Variants in B4GALT1 observed in about 807,000 individuals in gnomAD.
B4GALT1 encodes beta-1,4-galactosyltransferase 1.
A neutral mutation model predicts 34.9 loss-of-function variants in B4GALT1; 16 were observed. That is an observed-to-expected ratio of 0.46 (90% CI 0.31 to 0.70). The LOEUF (loss-of-function observed/expected upper bound fraction) is 0.70, where lower values mean the gene tolerates loss of function less well. B4GALT1 is among the 30% of genes least tolerant of loss of function. The probability of loss-of-function intolerance (pLI) is 0.05; values close to 1 mark genes in which losing one functional copy is unlikely to be tolerated. For missense variants in B4GALT1, 445 were observed against 530.5 expected, an observed-to-expected ratio of 0.84 and a Z score of 1.58; for synonymous variants, 221 against 218.1, an observed-to-expected ratio of 1.01 and a Z score of -0.12.
At chr9:33,135,975 G>C (rs1840267083) in intron 1 of B4GALT1, among the ~76,000 whole-genome samples, 1 of 151,340 alleles carries the variant, frequency 6.6e-6, no homozygotes, top group Non-Finnish European at 1.5e-5. Flanking sequence ...GAGGGAGTTA[G>C]CTTCGAAGTG....
Position 33,113,762 on chromosome 9 carries a change from C to G in B4GALT1, c.1064+12G>C. On this transcript the variant is annotated intron_variant, in intron 5 of 5. Coordinates refer to ENST00000379731, the MANE Select transcript of B4GALT1 (RefSeq NM_001497.4). The stretch of plus-strand genomic sequence containing the variant: ...TAAAGGGGGAAGGAGTATGAATAAA[C>G]AAAGAATGCACCTCTGAGGATTGGG... 2 of 1,614,044 alleles carry G rather than the reference C, an allele frequency of 1.2e-6. No individual in the cohort carries two copies. Among genetic ancestry groups the G allele is most frequent in the South Asian group, 2.2e-5 (2 of 91,082 alleles).
chr9:33,148,997 G>C (rs1421430689), intron 1 of B4GALT1, among the ~76,000 whole-genome samples: 2 of 152,054 alleles, frequency 1.3e-5, no homozygotes, highest in African/African-American at 4.8e-5. Context: ...GAATGCATAG[G>C]TCTGCATTAA....
chr9:33,166,528 T>G (rs1429807672), intron 1 of B4GALT1, among the ~76,000 whole-genome samples: 3 of 152,180 alleles, frequency 2.0e-5, no homozygotes, highest in African/African-American at 2.4e-5. Context: ...GCCTCGGGAC[T>G]TCCCTGTGCG....
At chr9:33,106,579 A>C (rs891025938), downstream of B4GALT1, among the ~76,000 whole-genome samples, 1 of 152,222 alleles carries the variant, frequency 6.6e-6, no homozygotes, top group Non-Finnish European at 1.5e-5. Context: ...GGCATTGGGC[A>C]CAAGAGGGAG....
intron 1 of B4GALT1, among the ~76,000 whole-genome samples, chr9:33,152,248 G>A (rs1287369630): frequency 6.6e-6 from 1 of 151,962 alleles, no homozygotes; most frequent in African/African-American, 2.4e-5. Context: ...AGGTTGCAGT[G>A]AGCCGAGATT....
the B4GALT1 span, among the ~76,000 whole-genome samples, chr9:33,180,999 C>T: frequency 2.6e-5 from 4 of 152,300 alleles, no homozygotes; most frequent in African/African-American, 9.6e-5. Context: ...AAGGCCGACC[C>T]AGTTTGCCAA....
At chr9:33,133,771 G>A (rs1039914422) in intron 2 of B4GALT1, among the ~76,000 whole-genome samples, 2 of 151,976 alleles carry the variant, frequency 1.3e-5, no homozygotes, top group African/African-American at 4.8e-5. Flanking sequence ...AACAGGGCTT[G>A]TTCTGCTCTC....
intron 1 of B4GALT1, among the ~76,000 whole-genome samples, chr9:33,145,565 G>A (rs1449944064): frequency 6.6e-6 from 1 of 152,278 alleles, no homozygotes; most frequent in East Asian, 1.9e-4. Flanking sequence ...GAGAATCCTG[G>A]CAGACAAGGG....
intron 1 of B4GALT1, among the ~76,000 whole-genome samples, chr9:33,143,814 T>C (rs1840386732): frequency 1.3e-5 from 2 of 152,166 alleles, no homozygotes; most frequent in Non-Finnish European, 2.9e-5. Context: ...ATGTGTAACA[T>C]GTTTTGCTTT....
intron 1 of B4GALT1, 83 bp downstream of exon 1, chr9:33,166,675 G>C (rs1356618730): frequency 7.2e-7 from 1 of 1,387,640 alleles, no homozygotes; most frequent in African/African-American, 1.5e-5. Context: ...AGAAGAGCCA[G>C]CCTGAGGGAA....
intron 1 of B4GALT1, among the ~76,000 whole-genome samples, chr9:33,150,800 G>C (rs958095146): frequency 1.3e-5 from 2 of 152,130 alleles, no homozygotes; most frequent in Non-Finnish European, 2.9e-5. Context: ...TTTGGCAAGA[G>C]CAAAAACAGA....
chr9:33,135,300 G>A lies in B4GALT1; in HGVS notation c.537C>T (p.Ala179=), dbSNP rs974665999. The A allele has an allele frequency of 6.2e-7, 1 of 1,614,072 alleles. No individual in the cohort carries two copies. Among genetic ancestry groups the A allele is most frequent in the African/African-American group, 1.3e-5 (1 of 74,912 alleles). ...PRDCVSPHKV[A]IIIPFRNRQE... Reference sequence around the variant, plus strand: ...GCCGGTTGCGGAATGGAATGATGATGGCCACCTTGTGAGGAGAGACGCAGT... The same window carrying A: ...GCCGGTTGCGGAATGGAATGATGATAGCCACCTTGTGAGGAGAGACGCAGT... Residue 179 remains alanine (A), a synonymous_variant, in exon 2 of 6, where the codon GCC becomes GCT. Transcript: ENST00000379731.
At chr9:33,123,516 A>C (rs920507416) in intron 2 of B4GALT1, among the ~76,000 whole-genome samples, 10 of 152,036 alleles carry the variant, frequency 6.6e-5, no homozygotes, top group African/African-American at 2.2e-4. Context: ...GCACTTTCCA[A>C]CAAGCAAAGG....
intron 2 of B4GALT1, 104 bp from the exon 3 acceptor site, chr9:33,120,710 T>G: frequency 8.5e-7 from 1 of 1,181,060 alleles, no homozygotes; most frequent in Non-Finnish European, 1.2e-6. Context: ...ACTAGGAAAC[T>G]CTTGGGCCTC....
intron 2 of B4GALT1, among the ~76,000 whole-genome samples, chr9:33,128,346 G>A (rs1840143477): frequency 6.6e-6 from 1 of 152,178 alleles, no homozygotes; most frequent in Non-Finnish European, 1.5e-5. Context: ...GGCCCATTCT[G>A]ATGACCACTG....
At chr9:33,149,472 G>A (rs894765406) in intron 1 of B4GALT1, among the ~76,000 whole-genome samples, 1 of 152,012 alleles carries the variant, frequency 6.6e-6, no homozygotes, top group African/African-American at 2.4e-5. Flanking sequence ...TAGAGATGGC[G>A]TTTCACCATG....
At chr9:33,168,853 A>G (rs1314670075), upstream of B4GALT1, among the ~76,000 whole-genome samples, 1 of 152,190 alleles carries the variant, frequency 6.6e-6, no homozygotes, top group Non-Finnish European at 1.5e-5. Context: ...CAAACACAAT[A>G]CATCTTGCCC....
chr9:33,182,824 C>G, the B4GALT1 span, among the ~76,000 whole-genome samples: 1 of 152,066 alleles, frequency 6.6e-6, no homozygotes, highest in Non-Finnish European at 1.5e-5. Context: ...TCAGCCATTC[C>G]TTATAATTTT....
At chr9:33,120,680 C>G in intron 2 of B4GALT1, 74 bp from the exon 3 acceptor site, 1 of 1,475,372 alleles carries the variant, frequency 6.8e-7, no homozygotes, top group Non-Finnish European at 9.4e-7. Flanking sequence ...GGACTGGTGA[C>G]TTGTCCACTA....
Sources: allele counts gnomAD v4.1 joint callset (sites outside exome capture counted in the v4.1 genomes callset), GRCh38; gene constraint gnomAD v4.1.1; transcripts MANE v1.5; gene names NCBI Gene and HGNC (gene_info 2026-07-23, HGNC 2026-07-21).